SLC12A7: variants seen among roughly 807,000 people sequenced by gnomAD.
SLC12A7 encodes the protein K-Cl cotransporter 4.
In SLC12A7, 100 loss-of-function variants were observed where a neutral mutation model predicts 120.6. That is an observed-to-expected ratio of 0.83 (90% CI 0.71 to 0.98). The LOEUF is 0.98. Ranked by LOEUF, SLC12A7 falls within the 50% of genes least tolerant of loss-of-function variation. The pLI is 0.00. For synonymous variants in SLC12A7, 760 were observed against 678.0 expected, an observed-to-expected ratio of 1.12 and a Z score of -1.88; for missense variants, 1,373 against 1,548.1, an observed-to-expected ratio of 0.89 and a Z score of 1.90.
chr5:1,109,905 G>A (rs1274285962), intron 1 of SLC12A7, among the ~76,000 whole-genome samples: 2 of 152,230 alleles, frequency 1.3e-5, no homozygotes, highest in Non-Finnish European at 2.9e-5. Flanking sequence ...CTCTGTGGCC[G>A]GACAGTTTTG....
chr5:1,105,621 T>C (rs772643401), intron 1 of SLC12A7, among the ~76,000 whole-genome samples: 2 of 151,950 alleles, frequency 1.3e-5, no homozygotes, highest in Admixed American at 6.5e-5. Context: ...AAGCCAGAGG[T>C]TTATCTGCAC....
chr5:1,125,465 G>A, the SLC12A7 span, among the ~76,000 whole-genome samples: 1 of 152,124 alleles, frequency 6.6e-6, no homozygotes, highest in Admixed American at 6.5e-5. Context: ...CAACATGTTA[G>A]AAATTGTACT....
At chr5:1,097,808 G>A (rs1191670774) in intron 1 of SLC12A7, among the ~76,000 whole-genome samples, 2 of 152,132 alleles carry the variant, frequency 1.3e-5, no homozygotes, top group Non-Finnish European at 2.9e-5. Context: ...CTCAGAGCAT[G>A]ATTACAACCT....
At chr5:1,139,915 G>A in the SLC12A7 span, among the ~76,000 whole-genome samples, 2 of 152,350 alleles carry the variant, frequency 1.3e-5, no homozygotes, top group Middle Eastern at 3.4e-3. Flanking sequence ...CCGGATGCAT[G>A]GGCCTCAGGG....
intron 1 of SLC12A7, among the ~76,000 whole-genome samples, chr5:1,108,387 T>C (rs1329609560): frequency 3.3e-5 from 5 of 152,218 alleles, no homozygotes; most frequent in African/African-American, 4.8e-5. Context: ...ATACACAAAA[T>C]GCATGTCTTG....
chr5:1,090,791 A>C (rs191853047), intron 3 of SLC12A7, among the ~76,000 whole-genome samples: 52 of 152,326 alleles, frequency 3.4e-4, no homozygotes, highest in African/African-American at 1.2e-3. Flanking sequence ...CTCCTCACGG[A>C]AGGGCATGGC....
In SLC12A7 at chr5:1,052,446, C is replaced by CTGTGGTTT; in HGVS notation, c.3165_3166insAAACCACA (p.Glu1056LysfsTer9). 1.2e-6 allele frequency: 2 copies of CTGTGGTTT among 1,612,636 alleles called. No homozygotes were observed. The highest frequency in any genetic ancestry group is 1.7e-6 in the Non-Finnish European group (2 of 1,179,736). ...CCCTCGGTCAGGACTTCAAGAAACT[C>CTGTGGTTT]CATGTCTGTGGTCAACAGAGTTAAG... On this transcript the variant is annotated frameshift_variant, in exon 24 of 24. Transcript: ENST00000264930. LOFTEE classifies it high-confidence loss of function.
chr5:1,111,729 C>T (rs866842082), intron 1 of SLC12A7, 139 bp downstream of exon 1: 2 of 904,864 alleles, frequency 2.2e-6, no homozygotes, highest in African/African-American at 3.5e-5. Context: ...CGTGGGGGAC[C>T]GAGAACAGGC....
chr5:1,081,280 G>A (rs775297969), intron 9 of SLC12A7, among the ~76,000 whole-genome samples: 5 of 152,126 alleles, frequency 3.3e-5, no homozygotes, highest in Non-Finnish European at 7.3e-5. Context: ...AGCAACGTGG[G>A]GAGACCCCCG....
chr5:1,060,774 A>G (rs894850876), intron 20 of SLC12A7, among the ~76,000 whole-genome samples: 5 of 152,158 alleles, frequency 3.3e-5, no homozygotes, highest in Non-Finnish European at 7.3e-5. Context: ...GCACTGCCCC[A>G]TGGGGCTGCA....
intron 1 of SLC12A7, among the ~76,000 whole-genome samples, chr5:1,101,531 C>T (rs1742014847): frequency 6.6e-6 from 1 of 152,180 alleles, no homozygotes; most frequent in African/African-American, 2.4e-5. Flanking sequence ...CCAGGCTGAC[C>T]AATGCTGCCC....
chr5:1,135,682 G>T, the SLC12A7 span, among the ~76,000 whole-genome samples: 1 of 152,226 alleles, frequency 6.6e-6, no homozygotes, highest in Non-Finnish European at 1.5e-5. Context: ...GCGTGCATGA[G>T]TGGTGACAGT....
Position 1,089,140 on chromosome 5 carries a change from C to T in SLC12A7, c.343-12G>A, listed in dbSNP as rs373301435. ...CCCATGCGCGGAGCCTGCGACAGAG[C>T]ATAGCGTGTCCCAGGGGCTCGTACC... On this transcript the variant is annotated splice_polypyrimidine_tract_variant and intron_variant, in intron 3 of 23. Transcript: ENST00000264930. The T allele has an allele frequency of 1.1e-4, 170 of 1,611,564 alleles. No homozygotes were observed. In the African/African-American group the frequency reaches 2.1e-3, roughly 20 times the overall value.
At chr5:1,111,510 C>G (rs1743006774) in intron 1 of SLC12A7, among the ~76,000 whole-genome samples, 1 of 152,124 alleles carries the variant, frequency 6.6e-6, no homozygotes, top group African/African-American at 2.4e-5. Flanking sequence ...CCGAACCGCC[C>G]GGGTCTCCAC....
At chr5:1,090,045 T>A (rs1384211204) in intron 3 of SLC12A7, among the ~76,000 whole-genome samples, 1 of 152,222 alleles carries the variant, frequency 6.6e-6, no homozygotes, top group Non-Finnish European at 1.5e-5. Context: ...ACACTTCCTG[T>A]GAACAGTGGC....
the SLC12A7 span, among the ~76,000 whole-genome samples, chr5:1,145,729 G>A: frequency 6.6e-6 from 1 of 152,080 alleles, no homozygotes; most frequent in East Asian, 1.9e-4. This position sits in a 1 kb window ranked among gnomAD's most constrained non-coding sequence, Gnocchi z 4.4. Flanking sequence ...CCTCCTCTCA[G>A]AAAACTAGAG....
At chr5:1,056,290 C>T (rs908169191) in intron 22 of SLC12A7, among the ~76,000 whole-genome samples, 3 of 152,218 alleles carry the variant, frequency 2.0e-5, no homozygotes, top group Non-Finnish European at 4.4e-5. Context: ...CCCTCCACTC[C>T]GGAGCGGCTC....
Position 1,111,536 on chromosome 5 carries a change from A to G in SLC12A7, c.124+332T>C, listed in dbSNP as rs370810025. ...GGGTCTCCACCGCCACCCCTGTCCC[A>G]CTAGGGACCACCCAGGGGCCCGGGC... On this transcript the variant is annotated intron_variant, in intron 1 of 23. Coordinates refer to ENST00000264930, the MANE Select transcript of SLC12A7 (RefSeq NM_006598.3). 2.0e-5 allele frequency among the ~76,000 whole-genome samples: 3 copies of G among 151,990 alleles called. No individual in the cohort carries two copies. In the South Asian group the frequency reaches 6.2e-4, roughly 31 times the overall value.
At chr5:1,057,450 G>T in intron 22 of SLC12A7, 21 bp downstream of exon 22, 1 of 1,595,532 alleles carries the variant, frequency 6.3e-7, no homozygotes. Context: ...TTCCCCCCAG[G>T]CCACACGCAC....
Sources: gnomAD v4.1 joint callset for allele counts (sites outside exome capture counted in the v4.1 genomes callset) on GRCh38, gnomAD v4.1.1 for gene constraint, Gnocchi (gnomAD v3.1) non-coding constraint, MANE v1.5 for transcripts, NCBI Gene and HGNC (gene_info 2026-07-23, HGNC 2026-07-21) for gene names.